The following RGS5 variants were observed in gnomAD, a reference collection of about 807,000 sequenced individuals.
The protein encoded by RGS5 is regulator of G protein signaling 5.
Under a neutral mutation model 18.9 loss-of-function variants are expected in RGS5, and 20 were observed. The ratio of observed to expected loss-of-function variants is 1.06; its 90% CI spans 0.74 to 1.54. The LOEUF (loss-of-function observed/expected upper bound fraction) is 1.54. Among genes scored for constraint, RGS5 ranks in the 40% most tolerant of loss-of-function variants. The pLI is 0.00. For missense variants in RGS5, 201 were observed against 211.8 expected, an observed-to-expected ratio of 0.95 and a Z score of 0.32; for synonymous variants, 57 against 76.2, an observed-to-expected ratio of 0.75 and a Z score of 1.31.
At chr1:163,230,373 G>C (rs1271710570) in intron 2 of RGS5, among the ~76,000 whole-genome samples, 2 of 151,634 alleles carry the variant, frequency 1.3e-5, no homozygotes, top group Non-Finnish European at 2.9e-5. Flanking sequence ...TATTAGCCAG[G>C]CCAAAAAAAG....
intron 2 of RGS5, among the ~76,000 whole-genome samples, chr1:163,275,380 G>A (rs184336503): frequency 3.6e-4 from 55 of 152,210 alleles, no homozygotes; most frequent in Middle Eastern, 3.4e-3. Context: ...CCATTGCATG[G>A]TCCCCAAACA....
At chr1:163,251,688 T>C (rs1359412846) in intron 2 of RGS5, among the ~76,000 whole-genome samples, 2 of 152,198 alleles carry the variant, frequency 1.3e-5, no homozygotes, top group African/African-American at 2.4e-5. Context: ...GCTGTGTCCT[T>C]GGTCTTCAGC....
At chr1:163,249,207 C>G (rs34631726) in intron 2 of RGS5, among the ~76,000 whole-genome samples, 14 of 152,250 alleles carry the variant, frequency 9.2e-5, no homozygotes, top group Middle Eastern at 3.4e-3. Flanking sequence ...TCAATATTAT[C>G]TTCTCTATGA....
At chr1:163,172,278 A>G (rs1232988991) in intron 1 of RGS5, among the ~76,000 whole-genome samples, 5 of 152,214 alleles carry the variant, frequency 3.3e-5, no homozygotes, top group Non-Finnish European at 7.3e-5. Flanking sequence ...TCTGTATTTA[A>G]AGACGTGGCA....
At chr1:163,168,075 C>T (rs1044679439) in intron 2 of RGS5, among the ~76,000 whole-genome samples, 183 bp downstream of exon 2, 2 of 151,812 alleles carry the variant, frequency 1.3e-5, no homozygotes, top group African/African-American at 4.8e-5. Context: ...CAATAAGATG[C>T]TCCAGACATG....
chr1:163,257,935 T>C (rs1021445247), intron 2 of RGS5, among the ~76,000 whole-genome samples: 26 of 152,228 alleles, frequency 1.7e-4, no homozygotes, highest in African/African-American at 6.3e-4. Flanking sequence ...AACCTCAGTC[T>C]GGCCTAATTA....
chr1:163,172,614 G>T, intron 1 of RGS5: 1 of 1,549,584 alleles, frequency 6.5e-7, no homozygotes, highest in Non-Finnish European at 8.7e-7. Context: ...AGGGAGAAAA[G>T]ATATTCAGTG....
intron 1 of RGS5, among the ~76,000 whole-genome samples, chr1:163,214,833 T>A (rs754140879): frequency 6.6e-6 from 1 of 152,228 alleles, no homozygotes; most frequent in Non-Finnish European, 1.5e-5. Flanking sequence ...CATGTACTCA[T>A]GACCTAGAAT....
intron 2 of RGS5, among the ~76,000 whole-genome samples, chr1:163,296,440 C>T (rs1209212550): frequency 1.3e-5 from 2 of 152,094 alleles, no homozygotes; most frequent in Admixed American, 6.6e-5. Flanking sequence ...ATAAAGACTG[C>T]CCCTTTACTA....
chr1:163,161,910 C>T lies in RGS5; in HGVS notation c.217+5G>A. On this transcript the variant is annotated splice_donor_5th_base_variant and intron_variant, in intron 3 of 4. Transcript: ENST00000313961. ...TATTTAAAAAAACAAACAATGGAAA[C>T]TTACAGTTGTTCTGCAGGAGTTTGT... 1 of 1,611,962 alleles carries T rather than the reference C, an allele frequency of 6.2e-7. No individual in the cohort carries two copies. The highest frequency in any genetic ancestry group is 8.5e-7 in the Non-Finnish European group (1 of 1,178,322).
chr1:163,273,711 T>A (rs1315820807), intron 2 of RGS5, among the ~76,000 whole-genome samples: 1 of 152,148 alleles, frequency 6.6e-6, no homozygotes, highest in African/African-American at 2.4e-5. Flanking sequence ...TTTCCCAGAG[T>A]ATGTATCACA....
At chr1:163,239,487 TA>T (rs35982197) in intron 2 of RGS5, among the ~76,000 whole-genome samples, 28,206 of 133,128 alleles carry the variant, frequency 0.21, 2,949 homozygotes, top group Non-Finnish European at 0.27. Flanking sequence ...ATCCGTCTCT[TA>T]AAAAAAAAAA....
intron 4 of RGS5, among the ~76,000 whole-genome samples, chr1:163,149,527 G>C (rs969383157): frequency 2.0e-5 from 3 of 152,096 alleles, no homozygotes; most frequent in Admixed American, 6.6e-5. Context: ...ATTTTTATGT[G>C]CTTAAGCCTT....
chr1:163,278,104 T>C (rs957574828), intron 2 of RGS5, among the ~76,000 whole-genome samples: 4 of 151,878 alleles, frequency 2.6e-5, no homozygotes, highest in Non-Finnish European at 5.9e-5. Context: ...TTTAATAAAA[T>C]AACAGTAGAA....
chr1:163,295,323 C>A (rs936156231), intron 2 of RGS5, among the ~76,000 whole-genome samples: 11 of 152,124 alleles, frequency 7.2e-5, no homozygotes, highest in African/African-American at 2.7e-4. Flanking sequence ...TAGAAACCTT[C>A]TTGACTGGCT....
chr1:163,220,003 C>T (rs1483044769), upstream of RGS5, among the ~76,000 whole-genome samples: 1 of 152,086 alleles, frequency 6.6e-6, no homozygotes, highest in Non-Finnish European at 1.5e-5. Flanking sequence ...TTTCAGAATG[C>T]CTGAACCAAT....
chr1:163,271,577 T>C (rs1461914379), intron 2 of RGS5, among the ~76,000 whole-genome samples: 2 of 152,166 alleles, frequency 1.3e-5, no homozygotes, highest in African/African-American at 2.4e-5. Flanking sequence ...GCCTATGGTA[T>C]CTTATTAAAT....
At position 163,167,116 on chromosome 1, in the gene RGS5, A is replaced by G. The variant is rs537338818; in HGVS notation, c.155+1142T>C. On this transcript the variant is annotated intron_variant, in intron 2 of 4. Transcript: ENST00000313961. The stretch of plus-strand genomic sequence containing the variant: ...TTAGGCTAATGGAAAAAGATTAAAA[A>G]AAGAGAAAGAATAACTCATCTCTTT... 5.5e-4 allele frequency among the ~76,000 whole-genome samples: 84 copies of G among 152,370 alleles called. No individual in the cohort carries two copies. The Middle Eastern group carries it at 0.014, about 25-fold the overall frequency.
intron 2 of RGS5, among the ~76,000 whole-genome samples, chr1:163,229,753 C>T (rs1364563360): frequency 6.6e-6 from 1 of 152,172 alleles, no homozygotes; most frequent in Non-Finnish European, 1.5e-5. Context: ...TGAGACTTTT[C>T]CTATGGTTCT....
Sources: gnomAD v4.1 joint callset for allele counts (sites outside exome capture counted in the v4.1 genomes callset) on GRCh38, gnomAD v4.1.1 for gene constraint, MANE v1.5 for transcripts, NCBI Gene and HGNC (gene_info 2026-07-23, HGNC 2026-07-21) for gene names.